Variants in KIF13B observed in about 807,000 individuals in gnomAD.
KIF13B encodes the protein kinesin-like protein KIF13B.
KIF13B carries 127 observed loss-of-function variants against 222.0 expected under a neutral mutation model. The ratio of observed to expected loss-of-function variants is 0.57; its 90% CI spans 0.50 to 0.66. The LOEUF (loss-of-function observed/expected upper bound fraction) is 0.66, where lower values mean the gene tolerates loss of function less well. Among genes scored for constraint, KIF13B ranks in the 30% least tolerant of loss-of-function variants. The pLI is 0.00. For missense variants in KIF13B, 2,173 were observed against 2,379.0 expected (o/e 0.91, Z 1.80); for synonymous variants, 976 against 919.0 (o/e 1.06, Z -1.12).
intron 32 of KIF13B, 124 bp from the exon 33 acceptor site, chr8:29,110,194 C>T (rs1183452978): frequency 6.3e-6 from 5 of 795,006 alleles, no homozygotes. Context: ...CTTTGGAACG[C>T]CAAAGCATTT....
At position 29,140,092 on chromosome 8, in the gene KIF13B, CCTT is replaced by C; in HGVS notation, c.2581_2583del (p.Lys861del). 1.2e-6 allele frequency: 2 copies of C among 1,604,236 alleles called. No homozygotes were observed. Among genetic ancestry groups the C allele is most frequent in the South Asian group, 1.1e-5 (1 of 89,330 alleles). On this transcript the variant is annotated inframe_deletion, in exon 21 of 40. Transcript: ENST00000524189. ...CACACCAGTTTGTTCTCCTGGGTCT[CCTT>C]CTCAAAGGAGACCTCTGCCACCTCA...
At chr8:29,108,092 T>A (rs762403889) in intron 35 of KIF13B, 47 bp downstream of exon 35, 1 of 1,494,084 alleles carries the variant, frequency 6.7e-7, no homozygotes, top group South Asian at 1.2e-5. Flanking sequence ...GAAAGCTGAA[T>A]GGGAAATGGG....
chr8:29,075,427 C>T, intron 37 of KIF13B, 84 bp from the exon 38 acceptor site: 1 of 1,255,538 alleles, frequency 8.0e-7, no homozygotes, highest in Non-Finnish European at 1.1e-6. Flanking sequence ...GCTGGAGGGC[C>T]AGGACCTGCC....
intron 2 of KIF13B, among the ~76,000 whole-genome samples, chr8:29,204,806 T>C (rs560829425): frequency 6.6e-6 from 1 of 152,258 alleles, no homozygotes; most frequent in South Asian, 2.1e-4. Context: ...ATTCTTAGAC[T>C]ACAAGCAAAG....
chr8:29,242,879 T>C (rs550045374), intron 2 of KIF13B, among the ~76,000 whole-genome samples: 1 of 152,304 alleles, frequency 6.6e-6, no homozygotes, highest in Non-Finnish European at 1.5e-5. Context: ...AAATCAGAGG[T>C]CCTGCCTGTC....
intron 37 of KIF13B, among the ~76,000 whole-genome samples, chr8:29,076,316 C>T (rs1807557664): frequency 6.6e-6 from 1 of 152,232 alleles, no homozygotes; most frequent in African/African-American, 2.4e-5. Context: ...CCAGGACAGC[C>T]GCGGGTAGGG....
At chr8:29,254,051 C>T (rs1816381750) in intron 1 of KIF13B, among the ~76,000 whole-genome samples, 1 of 152,070 alleles carries the variant, frequency 6.6e-6, no homozygotes, top group Non-Finnish European at 1.5e-5. Context: ...CAGTTATGGT[C>T]AATTGATTTT....
At position 29,134,174 on chromosome 8, in the gene KIF13B, G is replaced by C. The variant is rs769047547; in HGVS notation, c.2650C>G (p.Leu884Val). 6.2e-7 allele frequency: 1 copy of C among 1,614,026 alleles called. No individual in the cohort carries two copies. The highest frequency in any genetic ancestry group is 8.5e-7 in the Non-Finnish European group (1 of 1,179,880). ...TATTTGCAGAACACAAAGTGGGACA[G>C]ATGCTGTGGCAACCCAGTAGCTTGC... ...ILQATGLPQHLSHFVFCKYSF... is the reference protein window; with the variant it reads ...ILQATGLPQHVSHFVFCKYSF... Residue 884 changes from leucine (L) to valine (V), a missense_variant, in exon 22 of 40, where the codon CTG (leucine) becomes GTG (valine). This residue lies in a region of KIF13B where 1,480 missense variants were observed against 1,722.8 expected (regional missense o/e 0.86). Coordinates refer to ENST00000524189, the MANE Select transcript of KIF13B (RefSeq NM_015254.4).
rs767980877 is a variant in KIF13B at position 29,196,146 on chromosome 8, A to G, written c.162+41T>C. ...TCTAAGAGTTCAACAACATGCATAT[A>G]AGATCTTTACAAGCATCACATAACA... On this transcript the variant is annotated intron_variant, in intron 3 of 39. Coordinates refer to ENST00000524189, the MANE Select transcript of KIF13B (RefSeq NM_015254.4). 2.1e-5 allele frequency: 32 copies of G among 1,524,832 alleles called. No individual in the cohort carries two copies. The South Asian group carries it at 3.7e-4, about 17-fold the overall frequency. The allele number at this position is 1,524,832 out of a possible 1,614,324, so 94.5% of individuals were successfully genotyped here. A position where few individuals can be genotyped will look rare whatever the true frequency, so the allele number is the denominator to read the frequency against.
At chr8:29,251,625 G>C (rs1266084170) in intron 1 of KIF13B, among the ~76,000 whole-genome samples, 1 of 152,098 alleles carries the variant, frequency 6.6e-6, no homozygotes, top group Non-Finnish European at 1.5e-5. Context: ...TGAGAAAGAG[G>C]AGTTGTTATT....
chr8:29,207,963 C>T (rs767976061), intron 2 of KIF13B, among the ~76,000 whole-genome samples: 1 of 152,188 alleles, frequency 6.6e-6, no homozygotes, highest in Non-Finnish European at 1.5e-5. Context: ...CTGAAGTGTT[C>T]ATTTCGATAT....
intron 12 of KIF13B, among the ~76,000 whole-genome samples, chr8:29,163,295 T>A (rs1366979055): frequency 6.6e-6 from 1 of 152,130 alleles, no homozygotes; most frequent in African/African-American, 2.4e-5. Context: ...TGGTGAAGTA[T>A]TGGATGATGT....
At chr8:29,248,280 A>G (rs1479552251) in intron 1 of KIF13B, among the ~76,000 whole-genome samples, 1 of 152,246 alleles carries the variant, frequency 6.6e-6, no homozygotes, top group Non-Finnish European at 1.5e-5. Context: ...AAGTGGACAC[A>G]ACCCAAATGT....
intron 8 of KIF13B, 82 bp downstream of exon 8, chr8:29,180,022 C>A: frequency 1.3e-6 from 2 of 1,493,018 alleles, no homozygotes; most frequent in Non-Finnish European, 1.8e-6. Context: ...GACTTTAATT[C>A]ATCTAACACC....
At chr8:29,109,893 C>A in intron 33 of KIF13B, 25 bp downstream of exon 33, 1 of 1,610,382 alleles carries the variant, frequency 6.2e-7, no homozygotes. Flanking sequence ...CTCTGCTGCC[C>A]GCCCTATCCA....
In KIF13B at chr8:29,150,463, A is replaced by C. The variant is rs1479336369; in HGVS notation, c.1536-80T>G. 8.8e-6 allele frequency: 6 copies of C among 685,216 alleles called. No individual in the cohort carries two copies. The African/African-American group carries it at 9.0e-5, about 10-fold the overall frequency. The allele number at this position is 685,216 out of a possible 1,614,324, so 42.4% of individuals were successfully genotyped here. A position where few individuals can be genotyped will look rare whatever the true frequency, so the allele number is the denominator to read the frequency against. On this transcript the variant is annotated intron_variant, in intron 14 of 39. Coordinates refer to ENST00000524189, the MANE Select transcript of KIF13B (RefSeq NM_015254.4). ...TTTAATTTCCCAATAACATAGAGAT[A>C]TAGTTACTAGGGAAAACAATAATTC...
At chr8:29,162,803 T>A (rs770789713) in intron 12 of KIF13B, among the ~76,000 whole-genome samples, 4 of 152,236 alleles carry the variant, frequency 2.6e-5, no homozygotes, top group Non-Finnish European at 5.9e-5. Flanking sequence ...AAGTACTATA[T>A]GATAAAATAC....
chr8:29,223,032 A>G (rs926481262), intron 2 of KIF13B, among the ~76,000 whole-genome samples: 3 of 152,058 alleles, frequency 2.0e-5, no homozygotes, highest in Non-Finnish European at 4.4e-5. Context: ...ATATAAATCT[A>G]TATGGCTGGG....
At chr8:29,096,339 G>A (rs138397136) in intron 36 of KIF13B, among the ~76,000 whole-genome samples, 1,397 of 122,040 alleles carry the variant, frequency 0.011, 19 homozygotes, top group Middle Eastern at 0.015. Context: ...TCACTCTGTC[G>A]CCTAGACCTG....
Sources: allele counts gnomAD v4.1 joint callset (sites outside exome capture counted in the v4.1 genomes callset), GRCh38; gene constraint gnomAD v4.1.1; regional missense constraint gnomAD v4.1.1; transcripts MANE v1.5; gene names NCBI Gene and HGNC (gene_info 2026-07-23, HGNC 2026-07-21).